The following HEG1 variants were observed in gnomAD, a reference collection of about 807,000 sequenced individuals.
HEG1 encodes the protein heart development protein with EGF like domains 1.
Under a neutral mutation model 125.6 loss-of-function variants are expected in HEG1, and 56 were observed. The ratio of observed to expected loss-of-function variants is 0.45; its 90% CI spans 0.36 to 0.56. HEG1 has a LOEUF of 0.56. Among genes scored for constraint, HEG1 ranks in the 20% least tolerant of loss-of-function variants. HEG1 has a pLI of 0.00. For synonymous variants in HEG1, 644 were observed against 668.5 expected (o/e 0.96, Z 0.57); for missense variants, 1,523 against 1,670.0 (o/e 0.91, Z 1.53).
intron 14 of HEG1, among the ~76,000 whole-genome samples, chr3:124,989,194 T>G (rs1316841129): frequency 6.6e-6 from 1 of 152,258 alleles, no homozygotes; most frequent in Non-Finnish European, 1.5e-5. Context: ...GCATTGAATG[T>G]GTTTGATTTT....
chr3:124,993,848 T>C (rs78365187), intron 12 of HEG1, among the ~76,000 whole-genome samples: 2,269 of 152,292 alleles, frequency 0.015, 25 homozygotes, highest in Middle Eastern at 0.031. Flanking sequence ...TTTCATTTTG[T>C]ATCAGAAGTG....
Position 124,973,877 on chromosome 3 carries a change from T to C in HEG1, c.3850A>G (p.Ile1284Val). ...RKNKNDISKL[I>V]FKSGDFQMSP... is the part of the protein sequence containing the mutation. Reference sequence around the variant, plus strand: ...ATTTGGAAATCTCCACTTTTGAAGATGAGTTTGCTTATGTCATTTTTATTC... The same window carrying C: ...ATTTGGAAATCTCCACTTTTGAAGACGAGTTTGCTTATGTCATTTTTATTC... Residue 1284 changes from isoleucine (I) to valine (V), a missense_variant, in exon 16 of 17, where the codon ATC becomes GTC. Physicochemically the swap from Ile to Val is conservative, Grantham distance 29. Coordinates refer to ENST00000311127, the MANE Select transcript of HEG1 (RefSeq NM_020733.2). 6.2e-7 allele frequency: 1 copy of C among 1,612,726 alleles called. No homozygotes were observed. Among genetic ancestry groups the C allele is most frequent in the Non-Finnish European group, 8.5e-7 (1 of 1,179,186 alleles).
intron 5 of HEG1, among the ~76,000 whole-genome samples, chr3:125,016,725 G>C (rs1937254650): frequency 6.6e-6 from 1 of 152,116 alleles, no homozygotes; most frequent in South Asian, 2.1e-4. Context: ...TTCTTATATG[G>C]GGGAAATGAA....
intron 1 of HEG1, among the ~76,000 whole-genome samples, chr3:125,051,034 G>A (rs954712141): frequency 2.6e-5 from 4 of 152,156 alleles, no homozygotes; most frequent in African/African-American, 7.2e-5. Flanking sequence ...ACTGCTCCAC[G>A]TTCCCAGGAG....
At chr3:124,999,915 G>A (rs1057319351) in intron 11 of HEG1, among the ~76,000 whole-genome samples, 1 of 152,222 alleles carries the variant, frequency 6.6e-6, no homozygotes, top group African/African-American at 2.4e-5. Flanking sequence ...TGAAAGGCAA[G>A]GAAGTGGATA....
chr3:124,997,638 C>T, intron 12 of HEG1, 51 bp downstream of exon 12: 2 of 1,486,704 alleles, frequency 1.3e-6, no homozygotes, highest in Non-Finnish European at 1.8e-6. Context: ...AACAGAGCAC[C>T]AGGCAGAGTC....
rs751990815 is a variant in HEG1, at chr3:124,990,859, G to C, written c.3696-35C>G. 7.7e-6 allele frequency: 12 copies of C among 1,557,854 alleles called. No homozygotes were observed. The African/African-American group carries it at 1.6e-4, about 21-fold the overall frequency. On this transcript the variant is annotated intron_variant, in intron 13 of 16. Transcript: ENST00000311127. ...AAGAAAGAAAAAAGGGCAAGAATTA[G>C]TTTCCAATCTCAAAAGAAATAAGTG... is the stretch of plus-strand genomic sequence containing the variant.
chr3:125,021,221 T>A, intron 3 of HEG1, 91 bp from the exon 4 acceptor site: 1 of 969,798 alleles, frequency 1.0e-6, no homozygotes, highest in Non-Finnish European at 1.5e-6. Context: ...TCTTACATTT[T>A]GGTGGATACA....
At chr3:125,050,325 G>A (rs1937776862) in intron 1 of HEG1, among the ~76,000 whole-genome samples, 1 of 152,042 alleles carries the variant, frequency 6.6e-6, no homozygotes, top group Admixed American at 6.5e-5. Context: ...TGTATTTTGA[G>A]TAGAGACAGG....
intron 1 of HEG1, among the ~76,000 whole-genome samples, chr3:125,049,070 A>T (rs572828526): frequency 6.6e-6 from 1 of 152,282 alleles, no homozygotes; most frequent in East Asian, 1.9e-4. Context: ...TGCCACAGAC[A>T]GGCCTTCCAT....
chr3:124,975,171 G>A (rs986774471), intron 15 of HEG1, among the ~76,000 whole-genome samples: 5 of 152,196 alleles, frequency 3.3e-5, no homozygotes, highest in Non-Finnish European at 7.3e-5. Flanking sequence ...TGCATTCCTA[G>A]TTGGGCAGTT....
intron 1 of HEG1, among the ~76,000 whole-genome samples, chr3:125,044,979 G>A (rs1937639639): frequency 6.6e-6 from 1 of 152,206 alleles, no homozygotes; most frequent in South Asian, 2.1e-4. Flanking sequence ...TGGGAGGAAG[G>A]GAGAGAGAGG....
intron 8 of HEG1, among the ~76,000 whole-genome samples, chr3:125,007,306 AG>A (rs1460893651): frequency 6.6e-6 from 1 of 152,136 alleles, no homozygotes; most frequent in Non-Finnish European, 1.5e-5. Flanking sequence ...GTGAATATAA[AG>A]ATATATCAGT....
intron 12 of HEG1, among the ~76,000 whole-genome samples, chr3:124,991,449 C>T (rs554662023): frequency 1.3e-5 from 2 of 152,328 alleles, no homozygotes; most frequent in African/African-American, 4.8e-5. Context: ...CCATGCCTAG[C>T]CTCAAATCTT....
intron 14 of HEG1, among the ~76,000 whole-genome samples, chr3:124,979,149 G>A (rs1002941304): frequency 4.6e-5 from 7 of 151,894 alleles, no homozygotes; most frequent in African/African-American, 7.3e-5. Flanking sequence ...ACGAGGTTTC[G>A]CAATGTTGGC....
In HEG1 at chr3:125,001,894, C is replaced by T. The variant is rs1360803289; in HGVS notation, c.3475G>A (p.Glu1159Lys). 2.5e-6 allele frequency: 4 copies of T among 1,613,610 alleles called. No individual in the cohort carries two copies. The highest frequency in any genetic ancestry group is 2.2e-5 in the East Asian group (1 of 44,890). The change falls in exon 11 of 17, where the codon GAG becomes AAG. Residue 1159 changes from glutamate to lysine, a missense_variant. Physicochemically the swap from Glu to Lys is moderately conservative, Grantham distance 56 (BLOSUM62 1). Coordinates refer to ENST00000311127, the MANE Select transcript of HEG1 (RefSeq NM_020733.2). ...TGAGATCCCAAGAGCTGGCAGACCT[C>T]AGCAGAGGACTTGCAGGAGTTGACA... ...KCVNSCKSSA[E>K]VCQLLGSQRR...
In HEG1 at chr3:125,010,564, A is replaced by G; in HGVS notation, c.2957-9T>C. The G allele has an allele frequency of 6.6e-7, 1 of 1,518,798 alleles. No individual in the cohort carries two copies. Among genetic ancestry groups the G allele is most frequent in the Non-Finnish European group, 8.9e-7 (1 of 1,119,056 alleles). 94.1% of individuals were successfully genotyped at this position (1,518,798 alleles called of 1,614,324 possible). ...CACAGCACAGCTGTTGACTACAAAC[A>G]CATTCCAGGAGTAAAGCAGTTAACC... On this transcript the variant is annotated splice_polypyrimidine_tract_variant and intron_variant, in intron 6 of 16. Transcript: ENST00000311127.
chr3:124,986,876 G>C (rs912906800), intron 14 of HEG1, among the ~76,000 whole-genome samples: 3 of 152,196 alleles, frequency 2.0e-5, no homozygotes, highest in Non-Finnish European at 4.4e-5. Context: ...TAGGGAAACA[G>C]CATCCCCAAA....
intron 14 of HEG1, among the ~76,000 whole-genome samples, chr3:124,980,577 T>C (rs1936630779): frequency 6.6e-6 from 1 of 152,094 alleles, no homozygotes; most frequent in Admixed American, 6.6e-5. Context: ...AGTGCAATGG[T>C]GTGATCTCGG....
Sources: gnomAD v4.1 joint callset for allele counts (sites outside exome capture counted in the v4.1 genomes callset) on GRCh38, gnomAD v4.1.1 for gene constraint, MANE v1.5 for transcripts, NCBI Gene and HGNC (gene_info 2026-07-23, HGNC 2026-07-21) for gene names.